CDH13: variants seen among roughly 807,000 people sequenced by gnomAD.
CDH13 encodes the protein cadherin-13.
Under a neutral mutation model 63.8 loss-of-function variants are expected in CDH13, and 24 were observed. The observed-to-expected ratio is 0.38, with a 90% CI of 0.27 to 0.53. The LOEUF (loss-of-function observed/expected upper bound fraction) is 0.53. Ranked by LOEUF, CDH13 falls within the 20% of genes least tolerant of loss-of-function variation. The pLI is 0.85. For missense variants in CDH13, 1,049 were observed against 903.1 expected (o/e 1.16, Z -2.07); for synonymous variants, 503 against 355.3 (o/e 1.42, Z -4.67).
chr16:83,292,946 G>T (rs1014228697), intron 5 of CDH13, among the ~76,000 whole-genome samples: 8 of 152,058 alleles, frequency 5.3e-5, no homozygotes, highest in Non-Finnish European at 1.2e-4. Flanking sequence ...TCAAATACTC[G>T]ATTCCATGGT....
intron 7 of CDH13, among the ~76,000 whole-genome samples, chr16:83,590,210 TTGGGG>T (rs1202621951): frequency 6.6e-6 from 1 of 151,958 alleles, no homozygotes; most frequent in Non-Finnish European, 1.5e-5. Context: ...CTGGCTGGCT[TTGGGG>T]TGGAGAGGGG....
intron 6 of CDH13, among the ~76,000 whole-genome samples, chr16:83,447,307 C>T (rs1487050935): frequency 6.6e-6 from 1 of 151,484 alleles, no homozygotes; most frequent in African/African-American, 2.4e-5. Flanking sequence ...CCCAGCTACT[C>T]AGGAGGCCAA....
At chr16:82,994,497 C>T (rs921877730) in intron 2 of CDH13, among the ~76,000 whole-genome samples, 1 of 152,170 alleles carries the variant, frequency 6.6e-6, no homozygotes, top group Non-Finnish European at 1.5e-5. Flanking sequence ...AGCCTTTCAT[C>T]GTAATCTCCC....
At chr16:83,502,380 T>A (rs953956045) in intron 7 of CDH13, among the ~76,000 whole-genome samples, 8 of 151,208 alleles carry the variant, frequency 5.3e-5, no homozygotes, top group Non-Finnish European at 7.4e-5. Flanking sequence ...TTCTGGCATC[T>A]AAAACAAAAA....
At chr16:82,663,629 C>T (rs550928697) in intron 1 of CDH13, among the ~76,000 whole-genome samples, 6 of 152,284 alleles carry the variant, frequency 3.9e-5, no homozygotes, top group East Asian at 3.9e-4. Context: ...TTGCTTTGGC[C>T]GCTTCTTCAG....
At position 83,759,085 on chromosome 16, in the gene CDH13, C is replaced by T. The variant is rs1179881317; in HGVS notation, c.1681+10835C>T. On this transcript the variant is annotated intron_variant, in intron 11 of 13. Coordinates refer to ENST00000567109, the MANE Select transcript of CDH13 (RefSeq NM_001257.5). Reference sequence around the variant, plus strand: ...TGGAAATACAAGGAGTGAAAAATGGCCAAGGCAATCTTGAAGAATAAGTTG... The same window carrying T: ...TGGAAATACAAGGAGTGAAAAATGGTCAAGGCAATCTTGAAGAATAAGTTG... Among the ~76,000 whole-genome samples the T allele has an allele frequency of 5.9e-5, 9 of 152,238 alleles. No homozygotes were observed. The East Asian group carries it at 1.7e-3, about 29-fold the overall frequency.
intron 1 of CDH13, among the ~76,000 whole-genome samples, chr16:82,667,337 C>T (rs566763423): frequency 9.9e-4 from 151 of 152,266 alleles, no homozygotes; most frequent in African/African-American, 3.4e-3. Flanking sequence ...CTTGCGAAGG[C>T]GCGTACTGAG....
intron 5 of CDH13, among the ~76,000 whole-genome samples, chr16:83,276,682 A>T (rs8050296): frequency 0.16 from 24,223 of 151,992 alleles, 1,999 homozygotes; most frequent in South Asian, 0.2. Flanking sequence ...CATCCTGGCT[A>T]ACACGGTGAA....
At chr16:83,347,536 G>A (rs879885711) in intron 6 of CDH13, among the ~76,000 whole-genome samples, 1 of 152,132 alleles carries the variant, frequency 6.6e-6, no homozygotes, top group Admixed American at 6.5e-5. Context: ...ATAGCACTGC[G>A]TCGAGTACTT....
intron 5 of CDH13, among the ~76,000 whole-genome samples, chr16:83,291,090 G>A (rs760896464): frequency 5.3e-5 from 8 of 152,190 alleles, no homozygotes; most frequent in Non-Finnish European, 7.4e-5. Flanking sequence ...GAGACTACCC[G>A]TTGTTCAAAG....
At chr16:83,479,663 A>AG (rs1366330469) in intron 6 of CDH13, among the ~76,000 whole-genome samples, 1 of 151,536 alleles carries the variant, frequency 6.6e-6, no homozygotes, top group Non-Finnish European at 1.5e-5. Context: ...TCTCCAAAAA[A>AG]AAACTTACAT....
At chr16:83,663,585 A>G (rs1913647042) in intron 8 of CDH13, among the ~76,000 whole-genome samples, 1 of 152,212 alleles carries the variant, frequency 6.6e-6, no homozygotes, top group Non-Finnish European at 1.5e-5. Context: ...CTCTTACTTT[A>G]TGAAAGATGT....
Position 83,678,239 on chromosome 16 carries a change from C to A in CDH13, c.1316C>A (p.Thr439Asn). 2 of 1,613,750 alleles carry A rather than the reference C, an allele frequency of 1.2e-6. No homozygotes were observed. Among genetic ancestry groups the A allele is most frequent in the Non-Finnish European group, 1.7e-6 (2 of 1,179,704 alleles). Residue 439 changes from threonine (T) to asparagine (N), a missense_variant, in exon 10 of 14, where the codon ACC (threonine) becomes AAC (asparagine). Thr to Asn is a moderately conservative substitution (Grantham distance 65). Coordinates refer to ENST00000567109, the MANE Select transcript of CDH13 (RefSeq NM_001257.5). The stretch of plus-strand genomic sequence containing the variant: ...GACTATGAAATTTCTGCCTTCCACA[C>A]CCTGCTGATCAAAGTGGAAAATGAA... ...PLDYEISAFHTLLIKVENEDP... is the reference protein window; with the variant it reads ...PLDYEISAFHNLLIKVENEDP...
chr16:83,204,611 G>C (rs2039129564), intron 4 of CDH13, among the ~76,000 whole-genome samples: 1 of 152,196 alleles, frequency 6.6e-6, no homozygotes, highest in Non-Finnish European at 1.5e-5. Flanking sequence ...CGTGAGCCCT[G>C]AACTGGGATG....
chr16:82,878,878 G>A (rs1597880132), intron 2 of CDH13, among the ~76,000 whole-genome samples: 2 of 152,094 alleles, frequency 1.3e-5, no homozygotes, highest in South Asian at 4.2e-4. Flanking sequence ...ATTTTACTGA[G>A]CATTTTCAAA....
chr16:83,358,576 A>G (rs12449173), intron 6 of CDH13, among the ~76,000 whole-genome samples: 1 of 151,988 alleles, frequency 6.6e-6, no homozygotes, highest in Non-Finnish European at 1.5e-5. Context: ...ATCTAATAAC[A>G]GCTGAAATAT....
chr16:82,853,569 G>A (rs929879313), intron 1 of CDH13, among the ~76,000 whole-genome samples: 1 of 152,198 alleles, frequency 6.6e-6, no homozygotes, highest in African/African-American at 2.4e-5. Flanking sequence ...ACTTGCCCAA[G>A]GATAGCCCGC....
chr16:83,672,615 G>A (rs1914609761), intron 9 of CDH13, among the ~76,000 whole-genome samples: 1 of 151,588 alleles, frequency 6.6e-6, no homozygotes. Context: ...AATAGAGACG[G>A]GGTCTCACCA....
chr16:83,292,858 AAATT>A (rs2089497750), intron 5 of CDH13, among the ~76,000 whole-genome samples: 1 of 152,312 alleles, frequency 6.6e-6, no homozygotes, highest in South Asian at 2.1e-4. Context: ...ATATTAATAA[AAATT>A]AAGAAATTTT....
Sources: allele counts gnomAD v4.1 joint callset (sites outside exome capture counted in the v4.1 genomes callset), GRCh38; gene constraint gnomAD v4.1.1; transcripts MANE v1.5; gene names NCBI Gene and HGNC (gene_info 2026-07-23, HGNC 2026-07-21).